The following CSMD3 variants were observed in gnomAD, a reference collection of about 807,000 sequenced individuals.
The protein encoded by CSMD3 is CUB and sushi domain-containing protein 3.
A neutral mutation model predicts 435.2 loss-of-function variants in CSMD3; 177 were observed. The ratio of observed to expected loss-of-function variants is 0.41; its 90% CI spans 0.36 to 0.46. The LOEUF (loss-of-function observed/expected upper bound fraction) is 0.46. Among genes scored for constraint, CSMD3 ranks in the 20% least tolerant of loss-of-function variants. The pLI is 0.34. For missense variants in CSMD3, 4,265 were observed against 4,504.6 expected (o/e 0.95, Z 1.52); for synonymous variants, 1,656 against 1,520.5 (o/e 1.09, Z -2.07).
At chr8:113,206,100 A>G (rs1312763925) in intron 3 of CSMD3, among the ~76,000 whole-genome samples, 6 of 152,140 alleles carry the variant, frequency 3.9e-5, no homozygotes, top group Non-Finnish European at 8.8e-5. Context: ...GATGGAAACT[A>G]TGTGCCCTCC....
intron 13 of CSMD3, among the ~76,000 whole-genome samples, chr8:112,740,574 T>C (rs534635429): frequency 4.6e-5 from 7 of 152,042 alleles, no homozygotes; most frequent in Middle Eastern, 3.4e-3. Context: ...GTATGCACTC[T>C]GTTAAATTAC....
intron 3 of CSMD3, among the ~76,000 whole-genome samples, chr8:113,246,810 A>G (rs913717821): frequency 5.9e-5 from 9 of 152,200 alleles, no homozygotes; most frequent in Admixed American, 5.2e-4. Context: ...CATGTGGTCA[A>G]TTAAGTCTGC....
intron 27 of CSMD3, among the ~76,000 whole-genome samples, chr8:112,521,184 A>G (rs1316861649): frequency 6.6e-6 from 1 of 151,962 alleles, no homozygotes; most frequent in African/African-American, 2.4e-5. Context: ...ACAAAACTTT[A>G]TAATATCCCC....
chr8:113,116,180 C>A (rs1372870100), intron 4 of CSMD3, among the ~76,000 whole-genome samples: 1 of 152,102 alleles, frequency 6.6e-6, no homozygotes, highest in Non-Finnish European at 1.5e-5. Flanking sequence ...TTGGCTGTGT[C>A]CCCACTCCAA....
chr8:112,897,964 A>G (rs2081999533), intron 10 of CSMD3, among the ~76,000 whole-genome samples: 1 of 151,198 alleles, frequency 6.6e-6, no homozygotes, highest in African/African-American at 2.4e-5. Context: ...TTCACAAATA[A>G]CAAAATGGAG....
chr8:112,976,192 AT>A, intron 6 of CSMD3, 44 bp from the exon 7 acceptor site: 1 of 1,598,200 alleles, frequency 6.3e-7, no homozygotes, highest in Non-Finnish European at 8.6e-7. Context: ...TTCTTTTTAA[AT>A]TTTGTTTATT....
intron 9 of CSMD3, among the ~76,000 whole-genome samples, chr8:112,930,084 C>T (rs184484102): frequency 6.6e-6 from 1 of 152,090 alleles, no homozygotes; most frequent in East Asian, 1.9e-4. Context: ...TAATTTAATG[C>T]TATATTGTTT....
intron 10 of CSMD3, among the ~76,000 whole-genome samples, chr8:112,894,732 A>G (rs2081900181): frequency 1.3e-5 from 2 of 151,424 alleles, no homozygotes; most frequent in Non-Finnish European, 3.0e-5. Context: ...GCATAAGTCC[A>G]TACAGGTATG....
intron 5 of CSMD3, among the ~76,000 whole-genome samples, chr8:113,096,822 C>CT (rs2090177402): frequency 6.6e-6 from 1 of 152,064 alleles, no homozygotes; most frequent in Admixed American, 6.6e-5. Context: ...ATCCAGTTGA[C>CT]TAACTTCCTT....
chr8:113,154,977 C>A (rs932727805), intron 4 of CSMD3, among the ~76,000 whole-genome samples: 9 of 151,934 alleles, frequency 5.9e-5, no homozygotes, highest in African/African-American at 2.2e-4. Flanking sequence ...TGTGCATTTT[C>A]TTTCCTTTTA....
At chr8:113,103,815 T>C (rs572407581) in intron 4 of CSMD3, among the ~76,000 whole-genome samples, 2 of 152,182 alleles carry the variant, frequency 1.3e-5, no homozygotes, top group South Asian at 4.1e-4. Flanking sequence ...AAATAAAGAT[T>C]AGTTGTATTA....
intron 23 of CSMD3, among the ~76,000 whole-genome samples, chr8:112,577,234 T>C (rs935213064): frequency 6.6e-6 from 1 of 152,056 alleles, no homozygotes; most frequent in African/African-American, 2.4e-5. Flanking sequence ...ATCCTTCAAA[T>C]TTAGTCAAAT....
chr8:112,833,529 C>A (rs2079937006), intron 11 of CSMD3, among the ~76,000 whole-genome samples: 2 of 151,906 alleles, frequency 1.3e-5, no homozygotes, highest in African/African-American at 2.4e-5. Context: ...GCAAGCATGT[C>A]TTCTGTAAAT....
intron 27 of CSMD3, among the ~76,000 whole-genome samples, chr8:112,534,981 C>T (rs1426146338): frequency 2.6e-5 from 4 of 151,700 alleles, no homozygotes; most frequent in Non-Finnish European, 5.9e-5. Flanking sequence ...AATTCAACAA[C>T]CCTTCATGCT....
intron 1 of CSMD3, among the ~76,000 whole-genome samples, chr8:113,396,562 T>C (rs1157252613): frequency 6.6e-6 from 1 of 152,144 alleles, no homozygotes; most frequent in Non-Finnish European, 1.5e-5. Flanking sequence ...GACTAGTGAA[T>C]AAATTTGGGG....
intron 38 of CSMD3, among the ~76,000 whole-genome samples, chr8:112,375,180 T>C (rs1009843380): frequency 6.6e-6 from 1 of 152,146 alleles, no homozygotes; most frequent in African/African-American, 2.4e-5. Context: ...GCTTGTTTTA[T>C]AGAAATAACA....
intron 53 of CSMD3, among the ~76,000 whole-genome samples, chr8:112,297,859 G>T (rs901690038): frequency 1.3e-5 from 2 of 151,972 alleles, no homozygotes; most frequent in Non-Finnish European, 2.9e-5. Context: ...AGTGGCTTAT[G>T]CCTATAATTC....
chr8:113,227,806 T>A (rs1308232477), intron 3 of CSMD3, among the ~76,000 whole-genome samples: 1 of 151,584 alleles, frequency 6.6e-6, no homozygotes, highest in East Asian at 1.9e-4. Flanking sequence ...AATTACCCCA[T>A]CGCAGGTTCT....
chr8:112,529,094 A>G (rs1485397713), intron 27 of CSMD3, among the ~76,000 whole-genome samples: 1 of 152,024 alleles, frequency 6.6e-6, no homozygotes, highest in Non-Finnish European at 1.5e-5. Context: ...TAAACAAACA[A>G]AATCAGCTCT....
Sources: allele counts gnomAD v4.1 joint callset (sites outside exome capture counted in the v4.1 genomes callset), GRCh38; gene constraint gnomAD v4.1.1; transcripts MANE v1.5; gene names NCBI Gene and HGNC (gene_info 2026-07-23, HGNC 2026-07-21).